The following SCRT2 variants were observed in gnomAD, a reference collection of about 807,000 sequenced individuals.
SCRT2 encodes the protein transcriptional repressor scratch 2.
A neutral mutation model predicts 3.7 loss-of-function variants in SCRT2; 2 were observed. The observed-to-expected ratio is 0.54, with a 90% confidence interval of 0.22 to 1.70. The LOEUF is 1.70. SCRT2 is among the 40% of genes most tolerant of loss of function. The probability of loss-of-function intolerance (pLI) is 0.19; values close to 1 mark genes in which losing one functional copy is unlikely to be tolerated. For missense variants in SCRT2, 456 were observed against 468.5 expected, an observed-to-expected ratio of 0.97 and a Z score of 0.25; for synonymous variants, 256 against 220.6, an observed-to-expected ratio of 1.16 and a Z score of -1.42.
rs1600469962 is a variant in SCRT2, at chr20:662,247, A to T, written c.*1424T>A. ...AGAGGCCCCAGCGGGTCCGGGGCTC[A>T]GTCGGTCCCTGGAACCTGGGGTCCC... is the stretch of plus-strand genomic sequence containing the variant. On this transcript the variant is annotated 3_prime_UTR_variant, in exon 2 of 2. Transcript: ENST00000246104. 1 of 152,752 alleles carries T rather than the reference A, an allele frequency of 6.5e-6. No homozygotes were observed. Among genetic ancestry groups the T allele is most frequent in the East Asian group, 1.9e-4 (1 of 5,186 alleles). The allele number at this position is 152,752 out of a possible 1,614,324, so 9.5% of individuals were successfully genotyped here.
Position 663,596 on chromosome 20 carries a change from G to T in SCRT2, c.*75C>A. ...GGGAAACGCAGCCGGGGCTGGGCGA[G>T]GGCGCTGCGGGCGCAGGTAGGGGGC... On this transcript the variant is annotated 3_prime_UTR_variant, in exon 2 of 2. Coordinates refer to ENST00000246104, the MANE Select transcript of SCRT2 (RefSeq NM_033129.4). The surrounding 1 kb of genome is among the most constrained non-coding windows in gnomAD (Gnocchi z 6.9). 1.6e-6 allele frequency: 2 copies of T among 1,260,026 alleles called. No individual in the cohort carries two copies. Among genetic ancestry groups the T allele is most frequent in the South Asian group, 2.4e-5 (1 of 41,620 alleles). The allele number at this position is 1,260,026 out of a possible 1,614,324, so 78.1% of individuals were successfully genotyped here. A position where few individuals can be genotyped will look rare whatever the true frequency, so the allele number is the denominator to read the frequency against.
In SCRT2 at chr20:663,689, G is replaced by C; in HGVS notation, c.906C>G (p.Pro302=). ...GGAAGGCTCAGCTGGCCGGGCCGGC[G>C]GGGGTCGGCGGGGGTGGCTCGGCCG... ...AKAAEPPPPT[P]AGPAS Residue 302 remains proline (P), a synonymous_variant, in exon 2 of 2, where the codon CCC becomes CCG. Transcript: ENST00000246104. This position sits in a 1 kb window ranked among gnomAD's most constrained non-coding sequence, Gnocchi z 6.9. The C allele has an allele frequency of 6.6e-7, 1 of 1,504,228 alleles. No homozygotes were observed. Among genetic ancestry groups the C allele is most frequent in the South Asian group, 1.2e-5 (1 of 81,644 alleles). The allele number at this position is 1,504,228 out of a possible 1,614,324, so 93.2% of individuals were successfully genotyped here. A position where few individuals can be genotyped will look rare whatever the true frequency, so the allele number is the denominator to read the frequency against.
At chr20:669,130 G>T (rs1984248907) in intron 1 of SCRT2, among the ~76,000 whole-genome samples, 1 of 151,852 alleles carries the variant, frequency 6.6e-6, no homozygotes, top group Admixed American at 6.6e-5. Context: ...AGCCTGTGGT[G>T]GGGTGGGTGG....
At chr20:672,422 T>C (rs714622) in intron 1 of SCRT2, among the ~76,000 whole-genome samples, 65,517 of 146,814 alleles carry the variant, frequency 0.45, 14,529 homozygotes, top group African/African-American at 0.48. Context: ...TGTGTGTGTG[T>C]GCGCGCGTGC....
At chr20:673,731 G>A (rs1189635439) in intron 1 of SCRT2, among the ~76,000 whole-genome samples, 1 of 152,174 alleles carries the variant, frequency 6.6e-6, no homozygotes, top group Admixed American at 6.5e-5. Context: ...TCCCTCCTGA[G>A]GAACAGCCTG....
chr20:669,664 G>A (rs1343335756), intron 1 of SCRT2, among the ~76,000 whole-genome samples: 3 of 152,250 alleles, frequency 2.0e-5, no homozygotes, highest in Non-Finnish European at 4.4e-5. Context: ...GCTTCTTGCT[G>A]TGCCAGGGCC....
rs757031485 is a variant in SCRT2 at position 664,286 on chromosome 20, G to A, written c.309C>T (p.Thr103=). Residue 103 remains threonine, a synonymous_variant, in exon 2 of 2, where the codon ACC becomes ACT. Transcript: ENST00000246104. The surrounding 1 kb of genome is among the most constrained non-coding windows in gnomAD (Gnocchi z 7.9). The stretch of plus-strand genomic sequence containing the variant: ...AGAAGGCGTCCATGGAGTAGCTGTC[G>A]GTCACTGCCGCCTCCCCTCGGAAGT... ...ARYFRGEAAV[T]DSYSMDAFFI... 1.4e-6 allele frequency: 2 copies of A among 1,473,252 alleles called. No homozygotes were observed. Among genetic ancestry groups the A allele is most frequent in the Non-Finnish European group, 1.8e-6 (2 of 1,100,214 alleles). The allele number at this position is 1,473,252 out of a possible 1,614,324, so 91.3% of individuals were successfully genotyped here. A position where few individuals can be genotyped will look rare whatever the true frequency, so the allele number is the denominator to read the frequency against.
At position 664,602 on chromosome 20, in the gene SCRT2, G is replaced by C. The variant is rs553343781; in HGVS notation, c.134-141C>G. 1.5e-5 allele frequency: 8 copies of C among 527,858 alleles called. No homozygotes were observed. The Admixed American group carries it at 1.7e-4, about 12-fold the overall frequency. 32.7% of individuals were successfully genotyped at this position (527,858 alleles called of 1,614,324 possible). A position where few individuals can be genotyped will look rare whatever the true frequency, so the allele number is the denominator to read the frequency against. On this transcript the variant is annotated intron_variant, in intron 1 of 1. Transcript: ENST00000246104. The surrounding 1 kb of genome is among the most constrained non-coding windows in gnomAD (Gnocchi z 7.9). ...GTGGTGGTCTCCGACCTGCACCTCA[G>C]CTCTTCCTGTCAGGCAGCCTGGGTT...
chr20:673,137 G>C (rs182831731), intron 1 of SCRT2, among the ~76,000 whole-genome samples: 28 of 152,342 alleles, frequency 1.8e-4, no homozygotes, highest in African/African-American at 6.7e-4. Context: ...AGGCCAGGGT[G>C]CCTGTCCTCA....
chr20:671,919 A>G (rs1984345716), intron 1 of SCRT2, among the ~76,000 whole-genome samples: 1 of 151,972 alleles, frequency 6.6e-6, no homozygotes, highest in South Asian at 2.1e-4. Context: ...TCCAGAAGAT[A>G]TTCTTGGCAG....
At position 664,204 on chromosome 20, in the gene SCRT2, C is replaced by A. The variant is rs1984071606; in HGVS notation, c.391G>T (p.Gly131Cys). 1.5e-5 allele frequency: 18 copies of A among 1,166,762 alleles called. No individual in the cohort carries two copies. Among genetic ancestry groups the A allele is most frequent in the Non-Finnish European group, 1.8e-5 (17 of 945,534 alleles). The allele number at this position is 1,166,762 out of a possible 1,614,324, so 72.3% of individuals were successfully genotyped here. The change falls in exon 2 of 2, where the codon GGC (glycine) becomes TGC (cysteine). Residue 131 changes from glycine to cysteine, a missense_variant. By Grantham distance (159) the Gly-to-Cys change is radical. Around this residue, in one of 3 missense-constraint regions of SCRT2, gnomAD observed 306 missense variants for 305.3 expected, o/e 1.00. Transcript: ENST00000246104. This position sits in a 1 kb window ranked among gnomAD's most constrained non-coding sequence, Gnocchi z 7.9. The stretch of plus-strand genomic sequence containing the variant: ...CCGGCGCCCCCCGCGTCTCCCGAGC[C>A]CCCCGCGTCCCCGCCGCCCCCGCCC... Reference protein sequence around the residue: ...RRGGGGGDAGGSGDAGGAGGR... With the variant: ...RRGGGGGDAGCSGDAGGAGGR...
At chr20:668,556 G>A (rs756466556) in intron 1 of SCRT2, among the ~76,000 whole-genome samples, 13 of 152,056 alleles carry the variant, frequency 8.5e-5, no homozygotes, top group African/African-American at 2.9e-4. Context: ...TGGGTAAGTC[G>A]CATAACTTAT....
chr20:663,641 A>T lies in SCRT2; in HGVS notation c.*30T>A. Reference sequence around the variant, plus strand: ...GGGGGCCCGGGGCGCGTGGAGAGCGAGTTCCGGGCGCGAGGGCGAGGCGGA... The same window carrying T: ...GGGGGCCCGGGGCGCGTGGAGAGCGTGTTCCGGGCGCGAGGGCGAGGCGGA... On this transcript the variant is annotated 3_prime_UTR_variant, in exon 2 of 2. Coordinates refer to ENST00000246104, the MANE Select transcript of SCRT2 (RefSeq NM_033129.4). This position sits in a 1 kb window ranked among gnomAD's most constrained non-coding sequence, Gnocchi z 6.9. 7.3e-7 allele frequency: 1 copy of T among 1,372,982 alleles called. No individual in the cohort carries two copies. The highest frequency in any genetic ancestry group is 9.3e-7 in the Non-Finnish European group (1 of 1,071,334). 85.0% of individuals were successfully genotyped at this position (1,372,982 alleles called of 1,614,324 possible). A position where few individuals can be genotyped will look rare whatever the true frequency, so the allele number is the denominator to read the frequency against.
chr20:672,784 T>A (rs1249965591), intron 1 of SCRT2, among the ~76,000 whole-genome samples: 4 of 134,396 alleles, frequency 3.0e-5, no homozygotes, highest in Non-Finnish European at 3.2e-5. Flanking sequence ...TCTCCTCATC[T>A]TCCCCCCCTC....
At position 665,610 on chromosome 20, in the gene SCRT2, C is replaced by G. The variant is rs1984132105; in HGVS notation, c.134-1149G>C. On this transcript the variant is annotated intron_variant, in intron 1 of 1. Transcript: ENST00000246104. This position sits in a 1 kb window ranked among gnomAD's most constrained non-coding sequence, Gnocchi z 5.0. ...GGGCAGGGGCCATTCTGATTTGCCT[C>G]TGCCTCCCATGGCCTAGGCTGGTCC... 6.6e-6 allele frequency among the ~76,000 whole-genome samples: 1 copy of G among 152,226 alleles called. No homozygotes were observed.
rs187412638 is a variant in SCRT2, at chr20:662,531, G to C, written c.*1140C>G. On this transcript the variant is annotated 3_prime_UTR_variant, in exon 2 of 2. Transcript: ENST00000246104. Reference sequence around the variant, plus strand: ...TGGTGGGGGCAGCCCTCTGTGGCCTGTGCTGTCCCTCTCCTTGCCTGGCTT... The same window carrying C: ...TGGTGGGGGCAGCCCTCTGTGGCCTCTGCTGTCCCTCTCCTTGCCTGGCTT... 1 of 152,384 alleles carries C rather than the reference G, an allele frequency of 6.6e-6. No homozygotes were observed. The highest frequency in any genetic ancestry group is 1.5e-5 in the Non-Finnish European group (1 of 68,222). 9.4% of individuals were successfully genotyped at this position (152,384 alleles called of 1,614,324 possible). A position where few individuals can be genotyped will look rare whatever the true frequency, so the allele number is the denominator to read the frequency against.
At position 675,424 on chromosome 20, in the gene SCRT2, C is replaced by T. The variant is rs944254619; in HGVS notation, c.133+45G>A. The T allele has an allele frequency of 4.7e-6, 6 of 1,278,220 alleles. No homozygotes were observed. The highest frequency in any genetic ancestry group is 6.0e-6 in the Non-Finnish European group (6 of 1,001,442). 79.2% of individuals were successfully genotyped at this position (1,278,220 alleles called of 1,614,324 possible). On this transcript the variant is annotated intron_variant, in intron 1 of 1. Coordinates refer to ENST00000246104, the MANE Select transcript of SCRT2 (RefSeq NM_033129.4). The surrounding 1 kb of genome is among the most constrained non-coding windows in gnomAD (Gnocchi z 6.9). Reference sequence around the variant, plus strand: ...CAAGCTGGGGAGGGCCCCAGCTCCCCTCGCCTCTTCTCCCAACCCCCCGCC... The same window carrying T: ...CAAGCTGGGGAGGGCCCCAGCTCCCTTCGCCTCTTCTCCCAACCCCCCGCC...
chr20:672,197 G>C (rs946217311), intron 1 of SCRT2, among the ~76,000 whole-genome samples: 2 of 152,180 alleles, frequency 1.3e-5, no homozygotes, highest in African/African-American at 4.8e-5. Flanking sequence ...AATGAAATTA[G>C]ATCTATTCCC....
Position 667,944 on chromosome 20 carries a change from C to T in SCRT2, c.134-3483G>A, listed in dbSNP as rs1196235804. Among the ~76,000 whole-genome samples the T allele has an allele frequency of 6.6e-6, 1 of 152,064 alleles. No individual in the cohort carries two copies. Among genetic ancestry groups the T allele is most frequent in the African/African-American group, 2.4e-5 (1 of 41,400 alleles). On this transcript the variant is annotated intron_variant, in intron 1 of 1. Transcript: ENST00000246104. This position sits in a 1 kb window ranked among gnomAD's most constrained non-coding sequence, Gnocchi z 4.4. ...TTTCTGCATCATGGCTGAATCAGTC[C>T]CTCCATGATGCTCTTTGTCCCCTCC...
Sources: allele counts gnomAD v4.1 joint callset (sites outside exome capture counted in the v4.1 genomes callset), GRCh38; gene constraint gnomAD v4.1.1; regional missense constraint gnomAD v4.1.1; non-coding constraint Gnocchi (gnomAD v3.1); transcripts MANE v1.5; gene names NCBI Gene and HGNC (gene_info 2026-07-23, HGNC 2026-07-21).